MDGA2: variants seen among roughly 807,000 people sequenced by gnomAD.
MDGA2 encodes MAM domain-containing glycosylphosphatidylinositol anchor protein 2.
A neutral mutation model predicts 117.8 loss-of-function variants in MDGA2; 40 were observed. The observed-to-expected ratio is 0.34, with a 90% confidence interval of 0.26 to 0.44. MDGA2 has a LOEUF of 0.44. Ranked by LOEUF, MDGA2 falls within the 20% of genes least tolerant of loss-of-function variation. MDGA2 has a pLI of 1.00. For synonymous variants in MDGA2, 452 were observed against 439.0 expected (o/e 1.03, Z -0.37); for missense variants, 1,123 against 1,250.6 (o/e 0.90, Z 1.54).
intron 8 of MDGA2, among the ~76,000 whole-genome samples, chr14:46,986,977 T>C (rs1378407704): frequency 6.6e-6 from 1 of 152,074 alleles, no homozygotes; most frequent in Non-Finnish European, 1.5e-5. Flanking sequence ...CAATTTCATG[T>C]CATTACAGTG....
In MDGA2 at chr14:47,061,524, T is replaced by C. The variant is rs756786117; in HGVS notation, c.1250A>G (p.Asn417Ser). The change falls in exon 7 of 17, where the codon AAC becomes AGC. Residue 417 changes from asparagine to serine, a missense_variant. Physicochemically the swap from Asn to Ser is conservative, Grantham distance 46. Around this residue, in one of 2 missense-constraint regions of MDGA2, gnomAD observed 890 missense variants for 1,050.3 expected, o/e 0.85. Transcript: ENST00000399232. ...ITPDPYHKDDNIQIGREVKIS... is the reference protein window; with the variant it reads ...ITPDPYHKDDSIQIGREVKIS... ...TTTCACCTCACGGCCAATCTGGATG[T>C]TGTCATCTTTGTGATAAGGATCTGG... 1 of 1,613,344 alleles carries C rather than the reference T, an allele frequency of 6.2e-7. No homozygotes were observed. Among genetic ancestry groups the C allele is most frequent in the East Asian group, 2.2e-5 (1 of 44,842 alleles).
chr14:47,356,648 G>T (rs572197304), intron 1 of MDGA2, among the ~76,000 whole-genome samples: 1 of 152,140 alleles, frequency 6.6e-6, no homozygotes, highest in African/African-American at 2.4e-5. Context: ...CCTGTCTGTG[G>T]GTTGTGTGGA....
chr14:47,357,415 A>G (rs1891019343), intron 1 of MDGA2, among the ~76,000 whole-genome samples: 1 of 152,230 alleles, frequency 6.6e-6, no homozygotes, highest in Admixed American at 6.5e-5. Flanking sequence ...CAAATTCACT[A>G]GACAGTGTAG....
At chr14:47,324,355 T>G (rs981350182) in intron 1 of MDGA2, among the ~76,000 whole-genome samples, 7 of 152,194 alleles carry the variant, frequency 4.6e-5, no homozygotes, top group Non-Finnish European at 8.8e-5. Flanking sequence ...GTGTTACCCA[T>G]GAGCCAAATG....
chr14:47,174,891 T>C (rs1350563538), intron 3 of MDGA2, among the ~76,000 whole-genome samples: 1 of 151,946 alleles, frequency 6.6e-6, no homozygotes, highest in Admixed American at 6.6e-5. Context: ...ACAAAATTCA[T>C]AGACTGCTTG....
At chr14:47,301,660 A>C (rs2139813679) in intron 1 of MDGA2, 110 bp from the exon 2 acceptor site, 2 of 1,123,534 alleles carry the variant, frequency 1.8e-6, no homozygotes, top group South Asian at 1.5e-5. Flanking sequence ...CACCATAGTC[A>C]GATTAGTCAG....
At chr14:47,170,644 T>A (rs1884085046) in intron 3 of MDGA2, among the ~76,000 whole-genome samples, 1 of 152,126 alleles carries the variant, frequency 6.6e-6, no homozygotes, top group African/African-American at 2.4e-5. Context: ...CTCTATATAT[T>A]TAATTAGAAC....
At chr14:47,486,304 C>T (rs767415984) in intron 1 of MDGA2, among the ~76,000 whole-genome samples, 13 of 152,196 alleles carry the variant, frequency 8.5e-5, no homozygotes, top group African/African-American at 2.9e-4. Context: ...GGGCCTGTAG[C>T]TCCTTTGTAT....
intron 1 of MDGA2, among the ~76,000 whole-genome samples, chr14:47,515,653 A>C (rs1438564076): frequency 6.6e-6 from 1 of 152,158 alleles, no homozygotes; most frequent in Non-Finnish European, 1.5e-5. Context: ...AGCAGTACAA[A>C]AAGATAAATA....
At chr14:47,421,749 A>C (rs958996182) in intron 1 of MDGA2, among the ~76,000 whole-genome samples, 1 of 152,166 alleles carries the variant, frequency 6.6e-6, no homozygotes, top group Non-Finnish European at 1.5e-5. Flanking sequence ...GTTTATTACT[A>C]ACAGGATAAT....
At chr14:47,271,342 G>C (rs926688284) in intron 2 of MDGA2, among the ~76,000 whole-genome samples, 1 of 152,158 alleles carries the variant, frequency 6.6e-6, no homozygotes, top group Non-Finnish European at 1.5e-5. Flanking sequence ...ACCTACAAAA[G>C]TACAGTGCGA....
At position 47,301,473 on chromosome 14, in the gene MDGA2, T is replaced by C. The variant is rs563202225; in HGVS notation, c.358A>G (p.Thr120Ala). 1.1e-5 allele frequency: 17 copies of C among 1,551,788 alleles called. No individual in the cohort carries two copies. The highest frequency in any genetic ancestry group is 1.7e-4 in the Middle Eastern group (1 of 5,990). The change falls in exon 2 of 17, where the codon ACT becomes GCT. Residue 120 changes from threonine to alanine, a missense_variant. Physicochemically the swap from Thr to Ala is moderately conservative, Grantham distance 58. Around this residue, in one of 2 missense-constraint regions of MDGA2, gnomAD observed 233 missense variants for 200.3 expected, o/e 1.16. Coordinates refer to ENST00000399232, the MANE Select transcript of MDGA2 (RefSeq NM_001113498.3). ...EEERYSERVY[T>A]IREGETLELT... is the part of the protein sequence containing the mutation. Reference sequence around the variant, plus strand: ...TCAAGGGTTTCTCCTTCCCGGATAGTGTAGACCCTTTCGGAGTAGCGCTCC... The same window carrying C: ...TCAAGGGTTTCTCCTTCCCGGATAGCGTAGACCCTTTCGGAGTAGCGCTCC...
At chr14:46,994,182 G>A (rs1042192268) in intron 8 of MDGA2, among the ~76,000 whole-genome samples, 3 of 152,100 alleles carry the variant, frequency 2.0e-5, no homozygotes, top group Admixed American at 6.6e-5. Flanking sequence ...GTGCTCGGAA[G>A]GTAATGCCCA....
intron 1 of MDGA2, among the ~76,000 whole-genome samples, chr14:47,428,125 C>G (rs1892727829): frequency 1.3e-5 from 2 of 151,994 alleles, no homozygotes; most frequent in African/African-American, 4.8e-5. Flanking sequence ...TCATTATATT[C>G]TTTATCCCAC....
chr14:47,380,784 A>G (rs1891602228), intron 1 of MDGA2, among the ~76,000 whole-genome samples: 1 of 152,004 alleles, frequency 6.6e-6, no homozygotes, highest in South Asian at 2.1e-4. Flanking sequence ...CCAGAGGTAC[A>G]AGCAGGAGCT....
chr14:47,026,249 C>T (rs1280506004), intron 8 of MDGA2, among the ~76,000 whole-genome samples: 1 of 152,138 alleles, frequency 6.6e-6, no homozygotes, highest in African/African-American at 2.4e-5. Flanking sequence ...GTATCTCTTG[C>T]TGGAGGGAGA....
intron 10 of MDGA2, among the ~76,000 whole-genome samples, chr14:46,885,260 T>C (rs142762945): frequency 5.3e-5 from 8 of 152,260 alleles, no homozygotes; most frequent in African/African-American, 1.7e-4. Flanking sequence ...GTTAAAAAAT[T>C]TGTTCTCATC....
chr14:47,651,217 T>G (rs1431195874), intron 1 of MDGA2, among the ~76,000 whole-genome samples: 1 of 16,822 alleles, frequency 5.9e-5, no homozygotes, highest in African/African-American at 2.5e-4. Context: ...GCATGTGGTG[T>G]GTGTGTGTGT....
At chr14:47,341,006 A>G (rs1890605149) in intron 1 of MDGA2, among the ~76,000 whole-genome samples, 1 of 152,128 alleles carries the variant, frequency 6.6e-6, no homozygotes, top group Admixed American at 6.6e-5. Context: ...CCCACCCTCT[A>G]TATTTAATTT....
Sources: allele counts gnomAD v4.1 joint callset (sites outside exome capture counted in the v4.1 genomes callset), GRCh38; gene constraint gnomAD v4.1.1; regional missense constraint gnomAD v4.1.1; transcripts MANE v1.5; gene names NCBI Gene and HGNC (gene_info 2026-07-23, HGNC 2026-07-21).